Variants in SPOCK1 observed in about 807,000 individuals in gnomAD.
SPOCK1 encodes the protein testican-1.
A neutral mutation model predicts 55.3 loss-of-function variants in SPOCK1; 23 were observed. The observed-to-expected ratio is 0.42, with a 90% confidence interval of 0.30 to 0.59. The LOEUF (loss-of-function observed/expected upper bound fraction) is 0.59, where lower values mean the gene tolerates loss of function less well. Ranked by LOEUF, SPOCK1 falls within the 20% of genes least tolerant of loss-of-function variation. The pLI, the probability that SPOCK1 is intolerant of heterozygous loss-of-function variation, is 0.22. For missense variants in SPOCK1, 499 were observed against 552.5 expected (o/e 0.90, Z 0.97); for synonymous variants, 226 against 221.0 (o/e 1.02, Z -0.20).
At chr5:137,417,790 G>C (rs542426258) in intron 2 of SPOCK1, among the ~76,000 whole-genome samples, 1 of 151,704 alleles carries the variant, frequency 6.6e-6, no homozygotes, top group Admixed American at 6.6e-5. Context: ...ATCTTTATTA[G>C]TCAGTTTTTA....
chr5:137,064,945 T>C (rs903122697), intron 6 of SPOCK1, among the ~76,000 whole-genome samples: 2 of 152,068 alleles, frequency 1.3e-5, no homozygotes, highest in Non-Finnish European at 2.9e-5. Context: ...TTAGATAGTT[T>C]GGCCAGGCCT....
intron 3 of SPOCK1, among the ~76,000 whole-genome samples, chr5:137,217,746 T>A (rs1755745982): frequency 6.6e-6 from 1 of 152,216 alleles, no homozygotes; most frequent in African/African-American, 2.4e-5. Flanking sequence ...AACGCCTGAC[T>A]CAGTCATAGC....
intron 2 of SPOCK1, among the ~76,000 whole-genome samples, chr5:137,308,514 T>A (rs1242787313): frequency 6.6e-6 from 1 of 152,186 alleles, no homozygotes; most frequent in Non-Finnish European, 1.5e-5. Flanking sequence ...GTGCCATGCA[T>A]CTCTTCCAGG....
Position 137,498,572 on chromosome 5 carries a change from C to T in SPOCK1, c.1-14G>A. ...GATCGCCGGCATCTGCGGGGCAGGG[C>T]GCGCAGGGCGATGAGCGAAGAGGGC... On this transcript the variant is annotated splice_polypyrimidine_tract_variant and intron_variant, in intron 1 of 10. Coordinates refer to ENST00000394945, the MANE Select transcript of SPOCK1 (RefSeq NM_004598.4). 1.4e-6 allele frequency: 2 copies of T among 1,457,790 alleles called. No individual in the cohort carries two copies. Among genetic ancestry groups the T allele is most frequent in the Non-Finnish European group, 1.8e-6 (2 of 1,113,704 alleles). The allele number at this position is 1,457,790 out of a possible 1,614,324, so 90.3% of individuals were successfully genotyped here.
intron 2 of SPOCK1, among the ~76,000 whole-genome samples, chr5:137,410,139 C>G (rs1303331703): frequency 6.6e-6 from 1 of 152,260 alleles, no homozygotes; most frequent in Non-Finnish European, 1.5e-5. Context: ...ACCTTATTAT[C>G]TTTGCAAGCC....
intron 5 of SPOCK1, among the ~76,000 whole-genome samples, chr5:137,092,752 C>T (rs1753073767): frequency 6.6e-6 from 1 of 152,198 alleles, no homozygotes; most frequent in Non-Finnish European, 1.5e-5. Flanking sequence ...GTGCCTCTTT[C>T]CAGCACTCAC....
In SPOCK1 at chr5:137,430,352, C is replaced by T. The variant is rs867163341; in HGVS notation, c.186+68021G>A. 4.6e-5 allele frequency among the ~76,000 whole-genome samples: 7 copies of T among 152,356 alleles called. 1 individual carries two copies. In the South Asian group the frequency reaches 1.2e-3, roughly 27 times the overall value. ...ACCCCAGCTCATACTCCGCAATTCACAGACAGCTTCTTCCTTCATCCAGGA... is the reference window on the plus strand; with the variant it reads ...ACCCCAGCTCATACTCCGCAATTCATAGACAGCTTCTTCCTTCATCCAGGA... On this transcript the variant is annotated intron_variant, in intron 2 of 10. Coordinates refer to ENST00000394945, the MANE Select transcript of SPOCK1 (RefSeq NM_004598.4).
At chr5:137,369,550 T>C (rs1751153092) in intron 2 of SPOCK1, among the ~76,000 whole-genome samples, 1 of 152,222 alleles carries the variant, frequency 6.6e-6, no homozygotes, top group Non-Finnish European at 1.5e-5. Flanking sequence ...ACTTACTAAC[T>C]GGGAGCTTAT....
intron 6 of SPOCK1, among the ~76,000 whole-genome samples, chr5:137,031,705 T>A (rs557515778): frequency 6.6e-6 from 1 of 152,296 alleles, no homozygotes; most frequent in East Asian, 1.9e-4. Flanking sequence ...ACAGGAATTA[T>A]CAGACCCTGT....
chr5:137,118,598 G>A (rs557645386), intron 4 of SPOCK1, among the ~76,000 whole-genome samples: 105 of 152,318 alleles, frequency 6.9e-4, no homozygotes, highest in African/African-American at 2.3e-3. Context: ...ACAGCAAGCA[G>A]GTGGCAAGAC....
At position 137,455,683 on chromosome 5, in the gene SPOCK1, T is replaced by C. The variant is rs144346819; in HGVS notation, c.186+42690A>G. 6.5e-3 allele frequency among the ~76,000 whole-genome samples: 984 copies of C among 152,252 alleles called. 4 individuals are homozygous for C. The highest frequency in any genetic ancestry group is 0.012 in the Non-Finnish European group (785 of 67,996). On this transcript the variant is annotated intron_variant, in intron 2 of 10. Coordinates refer to ENST00000394945, the MANE Select transcript of SPOCK1 (RefSeq NM_004598.4). ...TCTGACACACTTAGAGGATCTTCTCTTAAAATGGAATCATTCCTTCCTGTC... is the reference window on the plus strand; with the variant it reads ...TCTGACACACTTAGAGGATCTTCTCCTAAAATGGAATCATTCCTTCCTGTC...
chr5:137,375,293 A>G (rs2127172569), intron 2 of SPOCK1, among the ~76,000 whole-genome samples: 1 of 152,370 alleles, frequency 6.6e-6, no homozygotes, highest in South Asian at 2.1e-4. Context: ...GTAATCCCAT[A>G]GACATAATGA....
intron 3 of SPOCK1, among the ~76,000 whole-genome samples, chr5:137,191,318 C>G (rs1200555700): frequency 6.6e-6 from 1 of 152,174 alleles, no homozygotes; most frequent in Non-Finnish European, 1.5e-5. Flanking sequence ...TAATATGTAT[C>G]TAACTAATCT....
intron 2 of SPOCK1, among the ~76,000 whole-genome samples, chr5:137,370,063 T>C (rs971240909): frequency 6.6e-6 from 1 of 152,180 alleles, no homozygotes; most frequent in Non-Finnish European, 1.5e-5. Flanking sequence ...CCGCTTATTC[T>C]GGTAGCGAGT....
chr5:137,337,856 G>A (rs917351169), intron 2 of SPOCK1, among the ~76,000 whole-genome samples: 1 of 152,186 alleles, frequency 6.6e-6, no homozygotes, highest in African/African-American at 2.4e-5. Flanking sequence ...GTCCACAGGA[G>A]TGGGAGAGTG....
rs573679837 is a variant in SPOCK1, at chr5:137,119,694, C to T, written c.348-7133G>A. Among the ~76,000 whole-genome samples, 21 of 152,250 alleles carry T rather than the reference C, an allele frequency of 1.4e-4. No individual in the cohort carries two copies. The South Asian group carries it at 1.7e-3, about 12-fold the overall frequency. ...AGGGTGTCCCAAGCACTACTGGGCACGCAATGGTGCAAAAGACTTGCTGTT... is the reference window on the plus strand; with the variant it reads ...AGGGTGTCCCAAGCACTACTGGGCATGCAATGGTGCAAAAGACTTGCTGTT... On this transcript the variant is annotated intron_variant, in intron 4 of 10. Transcript: ENST00000394945.
At chr5:137,332,738 T>C (rs1758209827) in intron 2 of SPOCK1, among the ~76,000 whole-genome samples, 1 of 152,206 alleles carries the variant, frequency 6.6e-6, no homozygotes, top group Non-Finnish European at 1.5e-5. Flanking sequence ...ATACTACACT[T>C]GATCTTATCC....
At chr5:136,982,018 G>GTTACAA (rs1297729140) in intron 9 of SPOCK1, among the ~76,000 whole-genome samples, 5 of 152,248 alleles carry the variant, frequency 3.3e-5, no homozygotes, top group African/African-American at 1.2e-4. Flanking sequence ...TTCCCATTGT[G>GTTACAA]TTACAATTGC....
chr5:137,192,677 C>G (rs540997252), intron 3 of SPOCK1, among the ~76,000 whole-genome samples: 1 of 152,294 alleles, frequency 6.6e-6, no homozygotes, highest in Admixed American at 6.5e-5. Context: ...CACTATCTAT[C>G]AACAGAAAGA....
Sources: gnomAD v4.1 joint callset for allele counts (sites outside exome capture counted in the v4.1 genomes callset) on GRCh38, gnomAD v4.1.1 for gene constraint, MANE v1.5 for transcripts, NCBI Gene and HGNC (gene_info 2026-07-23, HGNC 2026-07-21) for gene names.